Variants in IL31RA observed in about 807,000 individuals in gnomAD.
IL31RA encodes the protein interleukin-31 receptor subunit alpha.
A neutral mutation model predicts 83.7 loss-of-function variants in IL31RA; 66 were observed. The observed-to-expected ratio is 0.79, with a 90% confidence interval of 0.65 to 0.97. The LOEUF (loss-of-function observed/expected upper bound fraction) is 0.97, where lower values mean the gene tolerates loss of function less well. Among genes scored for constraint, IL31RA ranks in the 50% least tolerant of loss-of-function variants. The pLI is 0.00. For missense variants in IL31RA, 798 were observed against 919.4 expected (o/e 0.87, Z 1.71); for synonymous variants, 325 against 329.0 (o/e 0.99, Z 0.13).
At position 55,870,611 on chromosome 5, in the gene IL31RA, A is replaced by G. The variant is rs1176269441; in HGVS notation, c.273-1659A>G. ...TATCACCAGTTGGACATGGAGAAAT[A>G]GAAAACACCTGGGAATCCCCAGGCC... On this transcript the variant is annotated intron_variant, in intron 3 of 14. Transcript: ENST00000652347. 8.5e-5 allele frequency among the ~76,000 whole-genome samples: 13 copies of G among 152,148 alleles called. No homozygotes were observed. In the East Asian group the frequency reaches 2.5e-3, roughly 29 times the overall value.
intron 2 of IL31RA, among the ~76,000 whole-genome samples, chr5:55,861,116 A>G (rs534913584): frequency 6.6e-6 from 1 of 152,332 alleles, no homozygotes; most frequent in South Asian, 2.1e-4. Context: ...TTAGGACTTC[A>G]TTATGTGAAT....
intron 7 of IL31RA, among the ~76,000 whole-genome samples, chr5:55,897,001 A>AAAAAAAAAAAAAAATAT (rs1561108312): frequency 2.2e-3 from 1 of 450 alleles, no homozygotes. Flanking sequence ...AAAAAAAAAA[A>AAAAAAAAAAAAAAATAT]TATATATATA....
intron 11 of IL31RA, chr5:55,908,799 T>A (rs780999132): frequency 5.1e-5 from 71 of 1,403,140 alleles, no homozygotes; most frequent in Non-Finnish European, 6.6e-5. Context: ...ATCATGCTTT[T>A]GTTTTTCAGT....
chr5:55,888,864 G>A (rs1018072460), intron 5 of IL31RA, among the ~76,000 whole-genome samples: 4 of 152,092 alleles, frequency 2.6e-5, no homozygotes, highest in Admixed American at 6.6e-5. Context: ...GTCCATCTGC[G>A]GCTGTCAGCT....
intron 3 of IL31RA, 141 bp downstream of exon 3, chr5:55,869,049 C>T: frequency 1.4e-6 from 1 of 733,382 alleles, no homozygotes; most frequent in Non-Finnish European, 2.5e-6. Flanking sequence ...CAGCCAGTGG[C>T]TTGTGGACGG....
chr5:55,875,879 T>G (rs1223766602), intron 4 of IL31RA, among the ~76,000 whole-genome samples: 1 of 152,154 alleles, frequency 6.6e-6, no homozygotes, highest in Non-Finnish European at 1.5e-5. Context: ...AAAATTAAAC[T>G]CTGAAGAAAC....
At chr5:55,887,625 G>A (rs755757371) in intron 5 of IL31RA, among the ~76,000 whole-genome samples, 23 of 152,116 alleles carry the variant, frequency 1.5e-4, no homozygotes, top group Admixed American at 1.1e-3. Flanking sequence ...GGTGGCTCAC[G>A]CCTGTAATCT....
rs1377435706 is a variant in IL31RA, at chr5:55,906,118, T to C, written c.1082T>C (p.Ile361Thr). 6.2e-7 allele frequency: 1 copy of C among 1,613,358 alleles called. No individual in the cohort carries two copies. The highest frequency in any genetic ancestry group is 8.5e-7 in the Non-Finnish European group (1 of 1,179,890). Residue 361 changes from isoleucine to threonine, a missense_variant, in exon 9 of 15, where the codon ATT becomes ACT. By Grantham distance (89) the Ile-to-Thr change is moderately conservative (BLOSUM62 -1). Coordinates refer to ENST00000652347, the MANE Select transcript of IL31RA (RefSeq NM_139017.7). ...PAIQEKSFQC[I>T]EVMQACVAED... ...TCTCTCCTTTCAGCATTTCAGTGCA[T>C]TGAGGTCATGCAGGCCTGCGTTGCT... is the stretch of plus-strand genomic sequence containing the variant.
intron 4 of IL31RA, among the ~76,000 whole-genome samples, chr5:55,880,661 C>T (rs556204916): frequency 6.6e-6 from 1 of 152,226 alleles, no homozygotes; most frequent in South Asian, 2.1e-4. Context: ...TGCCCTTTTA[C>T]CCAGTCAGCC....
At chr5:55,898,671 T>TA (rs11430848) in intron 7 of IL31RA, among the ~76,000 whole-genome samples, 103,437 of 128,038 alleles carry the variant, frequency 0.81, 42,781 homozygotes, top group African/African-American at 0.91. Flanking sequence ...ATTAATATGT[T>TA]TTTTAAAAAG....
At chr5:55,889,933 G>T (rs747187540) in intron 5 of IL31RA, 37 bp from the exon 6 acceptor site, 1 of 1,599,366 alleles carries the variant, frequency 6.3e-7, no homozygotes, top group African/African-American at 1.3e-5. Context: ...ATAACGTGTG[G>T]TCTCCATTTC....
chr5:55,892,876 A>T (rs1203691804), intron 6 of IL31RA, among the ~76,000 whole-genome samples: 1 of 152,226 alleles, frequency 6.6e-6, no homozygotes, highest in East Asian at 1.9e-4. Context: ...CAAAGTCACC[A>T]CTAGAGAACT....
At position 55,851,473 on chromosome 5, in the gene IL31RA, C is replaced by T; in HGVS notation, c.-98C>T. ...AAATTGCAAAAAAAAATAGTAATAA[C>T]CAGCATGGCACTAAATAGACCATGA... On this transcript the variant is annotated 5_prime_UTR_variant, in exon 1 of 15. Transcript: ENST00000652347. 6.2e-7 allele frequency: 1 copy of T among 1,609,792 alleles called. No individual in the cohort carries two copies. Among genetic ancestry groups the T allele is most frequent in the South Asian group, 1.1e-5 (1 of 90,844 alleles).
At chr5:55,881,135 T>C (rs1455198087) in intron 4 of IL31RA, among the ~76,000 whole-genome samples, 1 of 151,956 alleles carries the variant, frequency 6.6e-6, no homozygotes, top group Non-Finnish European at 1.5e-5. Flanking sequence ...ACCTTGTCTC[T>C]ACTAAAAATA....
intron 5 of IL31RA, among the ~76,000 whole-genome samples, chr5:55,888,266 A>G (rs1312347703): frequency 1.3e-5 from 2 of 152,284 alleles, no homozygotes; most frequent in African/African-American, 4.8e-5. Flanking sequence ...TAAAGGATCA[A>G]TTGATCCTGG....
Position 55,859,483 on chromosome 5 carries a change from C to T in IL31RA, c.64-26C>T, listed in dbSNP as rs369673189. On this transcript the variant is annotated intron_variant, in intron 1 of 14. Transcript: ENST00000652347. Reference sequence around the variant, plus strand: ...TTTTGAAAAGAGATATGAAGCAAACCAACTCTTGACTGATGTCATTTTCAG... The same window carrying T: ...TTTTGAAAAGAGATATGAAGCAAACTAACTCTTGACTGATGTCATTTTCAG... 5.8e-6 allele frequency: 9 copies of T among 1,560,438 alleles called. No individual in the cohort carries two copies. The African/African-American group carries it at 1.1e-4, about 19-fold the overall frequency.
Position 55,917,216 on chromosome 5 carries a change from C to T in IL31RA, c.*96C>T. ...GGCACGCAGCGCTTGCTTGGCCCTG[C>T]CACATCCTGCCTAGGTTAAAGTTTC... On this transcript the variant is annotated 3_prime_UTR_variant, in exon 15 of 15. Coordinates refer to ENST00000652347, the MANE Select transcript of IL31RA (RefSeq NM_139017.7). 2 of 1,600,600 alleles carry T rather than the reference C, an allele frequency of 1.2e-6. No homozygotes were observed. The highest frequency in any genetic ancestry group is 1.7e-6 in the Non-Finnish European group (2 of 1,178,876).
chr5:55,855,758 T>A (rs1228100784), intron 1 of IL31RA, among the ~76,000 whole-genome samples: 1 of 152,224 alleles, frequency 6.6e-6, no homozygotes, highest in Non-Finnish European at 1.5e-5. Flanking sequence ...GGCAGTAGCT[T>A]CCATCTTTGC....
intron 2 of IL31RA, among the ~76,000 whole-genome samples, chr5:55,864,420 C>A (rs1234092770): frequency 6.9e-6 from 1 of 144,868 alleles, no homozygotes; most frequent in South Asian, 2.2e-4. Flanking sequence ...CACAAACATA[C>A]CACACACCCC....
Sources: allele counts gnomAD v4.1 joint callset (sites outside exome capture counted in the v4.1 genomes callset), GRCh38; gene constraint gnomAD v4.1.1; transcripts MANE v1.5; gene names NCBI Gene and HGNC (gene_info 2026-07-23, HGNC 2026-07-21).